Variants in TMEM132D observed in about 807,000 individuals in gnomAD.
TMEM132D encodes mature OL transmembrane protein.
A neutral mutation model predicts 62.3 loss-of-function variants in TMEM132D; 21 were observed. The ratio of observed to expected loss-of-function variants is 0.34; its 90% CI spans 0.24 to 0.49. TMEM132D has a LOEUF of 0.49. TMEM132D is among the 20% of genes least tolerant of loss of function. The pLI, the probability that TMEM132D is intolerant of heterozygous loss-of-function variation, is 0.99. For missense variants in TMEM132D, 1,346 were observed against 1,402.8 expected (o/e 0.96, Z 0.65); for synonymous variants, 621 against 575.6 (o/e 1.08, Z -1.13).
chr12:129,223,683 C>A (rs2135574790), intron 4 of TMEM132D, among the ~76,000 whole-genome samples: 1 of 152,262 alleles, frequency 6.6e-6, no homozygotes, highest in East Asian at 1.9e-4. Context: ...GAATATTAGC[C>A]CTGCTAAAGC....
In TMEM132D at chr12:129,371,535, T is replaced by TATGATG. The variant is rs558922183; in HGVS notation, c.1116-33724_1116-33719dup. 4.6e-5 allele frequency among the ~76,000 whole-genome samples: 7 copies of TATGATG among 150,794 alleles called. No homozygotes were observed. The highest frequency in any genetic ancestry group is 2.1e-4 in the South Asian group (1 of 4,734). ...TAATGGTGGTGATTATGATGATGAT[T>TATGATG]ATGATGATGATGATGATGATGGCGA... On this transcript the variant is annotated intron_variant, in intron 3 of 8. Transcript: ENST00000422113. The surrounding 1 kb of genome is among the most constrained non-coding windows in gnomAD (Gnocchi z 4.3).
chr12:129,746,538 T>C (rs1869785351), intron 1 of TMEM132D, among the ~76,000 whole-genome samples: 1 of 152,052 alleles, frequency 6.6e-6, no homozygotes, highest in African/African-American at 2.4e-5. Context: ...GGCCAGTGGG[T>C]TGGAATGCTT....
At chr12:129,358,807 A>G (rs954698875) in intron 3 of TMEM132D, among the ~76,000 whole-genome samples, 17 of 152,156 alleles carry the variant, frequency 1.1e-4, no homozygotes, top group Non-Finnish European at 1.5e-4. Flanking sequence ...TCCAGGGAGA[A>G]GGAACTGCAG....
At chr12:129,881,708 C>G (rs1874603351) in intron 1 of TMEM132D, among the ~76,000 whole-genome samples, 1 of 151,720 alleles carries the variant, frequency 6.6e-6, no homozygotes, top group African/African-American at 2.4e-5. Context: ...AAAAACTGAT[C>G]TAATCTTCCA....
At chr12:129,327,268 C>T (rs1261122605) in intron 4 of TMEM132D, among the ~76,000 whole-genome samples, 2 of 152,196 alleles carry the variant, frequency 1.3e-5, no homozygotes, top group East Asian at 3.8e-4. Flanking sequence ...GGGCACACAG[C>T]AGGGTGGAGA....
Position 129,089,565 on chromosome 12 carries a change from A to G in TMEM132D, c.1444-4863T>C, listed in dbSNP as rs761866078. ...CATGACCGGGTGTCCTCCCTGACTGAGGTGTCTTCCCTGACCGGGGTGTCC... is the reference window on the plus strand; with the variant it reads ...CATGACCGGGTGTCCTCCCTGACTGGGGTGTCTTCCCTGACCGGGGTGTCC... On this transcript the variant is annotated intron_variant, in intron 5 of 8. Transcript: ENST00000422113. Among the ~76,000 whole-genome samples the G allele has an allele frequency of 1.6e-4, 13 of 83,062 alleles. 1 individual carries two copies. Among genetic ancestry groups the G allele is most frequent in the East Asian group, 1.4e-3 (3 of 2,206 alleles). The allele number at this position is 83,062 out of a possible 152,430, so 54.5% of individuals were successfully genotyped here.
intron 4 of TMEM132D, among the ~76,000 whole-genome samples, chr12:129,335,245 C>A (rs764268952): frequency 6.7e-6 from 1 of 149,774 alleles, no homozygotes; most frequent in African/African-American, 2.5e-5. Context: ...TATTCTCATG[C>A]CTCAGCCTCC....
chr12:129,728,250 C>T (rs1869108041), intron 1 of TMEM132D, among the ~76,000 whole-genome samples: 1 of 152,144 alleles, frequency 6.6e-6, no homozygotes, highest in Admixed American at 6.5e-5. Context: ...CAGAAAGTTC[C>T]TTAAAACCAG....
chr12:129,877,624 CACACAG>C (rs1874467308), intron 1 of TMEM132D, among the ~76,000 whole-genome samples: 1 of 142,752 alleles, frequency 7.0e-6, no homozygotes, highest in South Asian at 2.3e-4. Flanking sequence ...CACACACACA[CACACAG>C]AGAGAGAGAG....
intron 1 of TMEM132D, among the ~76,000 whole-genome samples, chr12:129,818,157 GGTGTATGT>G: frequency 6.9e-6 from 1 of 145,444 alleles, no homozygotes; most frequent in Non-Finnish European, 1.5e-5. Context: ...TGTGGTATAA[GGTGTATGT>G]GTGTGTGTAT....
chr12:129,457,094 A>G (rs2135730006), intron 3 of TMEM132D, among the ~76,000 whole-genome samples: 1 of 152,012 alleles, frequency 6.6e-6, no homozygotes, highest in South Asian at 2.1e-4. Context: ...TACTGGGTAT[A>G]TACCCAAAGG....
intron 2 of TMEM132D, among the ~76,000 whole-genome samples, chr12:129,694,045 A>T (rs1881134072): frequency 6.6e-6 from 1 of 152,184 alleles, no homozygotes; most frequent in African/African-American, 2.4e-5. Flanking sequence ...TACTATCTAT[A>T]CTAAACTTCA....
chr12:129,134,639 A>G (rs1404946116), intron 5 of TMEM132D, among the ~76,000 whole-genome samples: 2 of 152,212 alleles, frequency 1.3e-5, no homozygotes, highest in Non-Finnish European at 2.9e-5. Flanking sequence ...AAAAAACTGA[A>G]GATCCAAGAG....
intron 3 of TMEM132D, among the ~76,000 whole-genome samples, chr12:129,485,882 T>C (rs957150744): frequency 7.9e-5 from 12 of 152,210 alleles, no homozygotes; most frequent in Non-Finnish European, 1.5e-5. Context: ...TTTATCAGTT[T>C]GTTAGCCTGA....
At chr12:129,671,771 G>C (rs1212758469) in intron 2 of TMEM132D, among the ~76,000 whole-genome samples, 1 of 152,074 alleles carries the variant, frequency 6.6e-6, no homozygotes, top group East Asian at 1.9e-4. Context: ...AGAAGTGGAA[G>C]CTACTTTGTA....
chr12:129,216,191 G>A (rs999251741), intron 4 of TMEM132D, among the ~76,000 whole-genome samples: 1 of 152,154 alleles, frequency 6.6e-6, no homozygotes, highest in African/African-American at 2.4e-5. Context: ...TACCTCTTGG[G>A]TTTGCCCTAG....
At chr12:129,564,031 A>C (rs1877306425) in intron 2 of TMEM132D, among the ~76,000 whole-genome samples, 1 of 152,188 alleles carries the variant, frequency 6.6e-6, no homozygotes, top group Admixed American at 6.5e-5. Flanking sequence ...TAAACATTGA[A>C]AATATTTCAG....
rs1390767453 is a variant in TMEM132D at position 129,073,180 on chromosome 12, C to T, written c.*695G>A. 2 of 152,136 alleles carry T rather than the reference C, an allele frequency of 1.3e-5. No individual in the cohort carries two copies. Among genetic ancestry groups the T allele is most frequent in the Non-Finnish European group, 2.9e-5 (2 of 68,034 alleles). 9.4% of individuals were successfully genotyped at this position (152,136 alleles called of 1,614,324 possible). On this transcript the variant is annotated 3_prime_UTR_variant, in exon 9 of 9. Coordinates refer to ENST00000422113, the MANE Select transcript of TMEM132D (RefSeq NM_133448.3). ...CCTTAGTTTACAAATAAAGAAGTAC[C>T]CTGAAGGGCTCAGAGGATTTGCGTC...
intron 5 of TMEM132D, among the ~76,000 whole-genome samples, chr12:129,106,329 GT>G (rs1009897351): frequency 6.6e-6 from 1 of 151,226 alleles, no homozygotes; most frequent in Non-Finnish European, 1.5e-5. Context: ...TGACGAGTTA[GT>G]GGGTGCAGCG....
Sources: gnomAD v4.1 joint callset for allele counts (sites outside exome capture counted in the v4.1 genomes callset) on GRCh38, gnomAD v4.1.1 for gene constraint, Gnocchi (gnomAD v3.1) non-coding constraint, MANE v1.5 for transcripts, NCBI Gene and HGNC (gene_info 2026-07-23, HGNC 2026-07-21) for gene names.